Variants in CNTN5 observed in about 807,000 individuals in gnomAD.
CNTN5 encodes contactin 5.
Under a neutral mutation model 129.1 loss-of-function variants are expected in CNTN5, and 77 were observed. The ratio of observed to expected loss-of-function variants is 0.60; its 90% CI spans 0.50 to 0.72. CNTN5 has a LOEUF of 0.72. Among genes scored for constraint, CNTN5 ranks in the 30% least tolerant of loss-of-function variants. The pLI is 0.00. For synonymous variants in CNTN5, 509 were observed against 465.6 expected (o/e 1.09, Z -1.20); for missense variants, 1,478 against 1,328.8 (o/e 1.11, Z -1.75).
chr11:99,641,499 G>A (rs150396685), intron 3 of CNTN5, among the ~76,000 whole-genome samples: 21 of 152,268 alleles, frequency 1.4e-4, no homozygotes, highest in Admixed American at 3.3e-4. Flanking sequence ...AGGAGGAGAC[G>A]TAGGAGGGCA....
At chr11:99,888,542 C>G (rs746879240) in intron 6 of CNTN5, among the ~76,000 whole-genome samples, 2 of 152,096 alleles carry the variant, frequency 1.3e-5, no homozygotes, top group Non-Finnish European at 2.9e-5. Flanking sequence ...AGGGTACCAT[C>G]GGGGAAACAT....
At chr11:99,758,209 T>C (rs1234665877) in intron 3 of CNTN5, among the ~76,000 whole-genome samples, 1 of 152,070 alleles carries the variant, frequency 6.6e-6, no homozygotes. Context: ...TTGTGGTTCA[T>C]ACCACTTCAA....
intron 15 of CNTN5, among the ~76,000 whole-genome samples, chr11:100,215,634 C>T (rs917624028): frequency 6.6e-6 from 1 of 151,922 alleles, no homozygotes; most frequent in Non-Finnish European, 1.5e-5. Context: ...TGCTTAGTCA[C>T]TATAATGGAA....
At chr11:100,038,778 C>T (rs954282432) in intron 9 of CNTN5, among the ~76,000 whole-genome samples, 6 of 152,068 alleles carry the variant, frequency 3.9e-5, no homozygotes, top group African/African-American at 1.2e-4. Flanking sequence ...TTATCAGAGA[C>T]TAGGATTGCA....
chr11:100,300,401 T>G (rs1393476670), intron 20 of CNTN5, among the ~76,000 whole-genome samples: 2 of 151,454 alleles, frequency 1.3e-5, no homozygotes, highest in East Asian at 3.9e-4. Context: ...TTTCTTAAAT[T>G]TACAAATGAC....
chr11:99,629,016 A>G (rs1444453081), intron 3 of CNTN5, among the ~76,000 whole-genome samples: 1 of 152,036 alleles, frequency 6.6e-6, no homozygotes, highest in African/African-American at 2.4e-5. Flanking sequence ...AAAACAAACA[A>G]AAAGTCAACT....
chr11:99,058,110 G>A (rs1351359765), intron 1 of CNTN5, among the ~76,000 whole-genome samples: 2 of 151,914 alleles, frequency 1.3e-5, no homozygotes, highest in Non-Finnish European at 2.9e-5. Flanking sequence ...ACGACAGAAA[G>A]AAAATTCGGA....
At chr11:99,881,360 C>A (rs914870863) in intron 6 of CNTN5, among the ~76,000 whole-genome samples, 1 of 152,112 alleles carries the variant, frequency 6.6e-6, no homozygotes. Context: ...TAAATTATAG[C>A]CAGAACGGAG....
intron 1 of CNTN5, among the ~76,000 whole-genome samples, chr11:99,168,169 C>T (rs1438752175): frequency 6.6e-6 from 1 of 152,138 alleles, no homozygotes; most frequent in Admixed American, 6.5e-5. Context: ...GTTTCGAACT[C>T]CTGGGCTCAA....
intron 13 of CNTN5, among the ~76,000 whole-genome samples, chr11:100,118,305 T>A (rs1410794483): frequency 6.6e-6 from 1 of 151,904 alleles, no homozygotes. Flanking sequence ...GACAGCAGAA[T>A]GAAATTTGCT....
chr11:100,034,302 T>C (rs145319040), intron 9 of CNTN5, among the ~76,000 whole-genome samples: 1 of 152,320 alleles, frequency 6.6e-6, no homozygotes, highest in East Asian at 1.9e-4. Context: ...CAATTAATAC[T>C]CTCCATTGTT....
In CNTN5 at chr11:99,523,649, TAGAACAGAAC is replaced by T. The variant is rs139869042; in HGVS notation, c.-70-32492_-70-32483del. 1.9e-4 allele frequency among the ~76,000 whole-genome samples: 22 copies of T among 116,554 alleles called. No individual in the cohort carries two copies. The South Asian group carries it at 2.2e-3, about 12-fold the overall frequency. 76.5% of individuals were successfully genotyped at this position (116,554 alleles called of 152,430 possible). The stretch of plus-strand genomic sequence containing the variant: ...TAGAATAGAATAGAATAGAATAGAA[TAGAACAGAAC>T]AGATCAGAACAGAACAGAACAGAAC... On this transcript the variant is annotated intron_variant, in intron 2 of 24. Coordinates refer to ENST00000524871, the MANE Select transcript of CNTN5 (RefSeq NM_014361.4).
chr11:99,982,741 C>T (rs775259184), intron 8 of CNTN5, among the ~76,000 whole-genome samples: 5 of 152,136 alleles, frequency 3.3e-5, no homozygotes, highest in African/African-American at 1.2e-4. Context: ...CCCGGGTTCA[C>T]GCCATTCTCC....
chr11:99,036,041 G>A (rs967665530), intron 1 of CNTN5, among the ~76,000 whole-genome samples: 1 of 151,982 alleles, frequency 6.6e-6, no homozygotes, highest in Non-Finnish European at 1.5e-5. Context: ...GCTTAGTTTG[G>A]CTGGATATGA....
intron 1 of CNTN5, among the ~76,000 whole-genome samples, chr11:99,151,702 A>G (rs1200175058): frequency 2.0e-5 from 3 of 152,190 alleles, no homozygotes; most frequent in African/African-American, 7.2e-5. Flanking sequence ...GCACATATAC[A>G]CCATGGAATA....
chr11:99,574,238 T>C (rs1949272944), intron 3 of CNTN5, among the ~76,000 whole-genome samples: 1 of 152,214 alleles, frequency 6.6e-6, no homozygotes, highest in Admixed American at 6.5e-5. Flanking sequence ...CACAAACTCA[T>C]CCTTTTTTAC....
At chr11:99,561,894 T>C (rs976644) in intron 3 of CNTN5, among the ~76,000 whole-genome samples, 67,603 of 151,848 alleles carry the variant, frequency 0.45, 16,333 homozygotes, top group South Asian at 0.55. Context: ...GTATGTGTGT[T>C]AGTGATAATG....
At chr11:99,591,558 T>A (rs1949981211) in intron 3 of CNTN5, among the ~76,000 whole-genome samples, 1 of 152,074 alleles carries the variant, frequency 6.6e-6, no homozygotes, top group Non-Finnish European at 1.5e-5. Flanking sequence ...CAGGATGGTC[T>A]CCATCTCCTG....
At chr11:100,329,061 T>G (rs1465935381) in intron 21 of CNTN5, among the ~76,000 whole-genome samples, 1 of 152,074 alleles carries the variant, frequency 6.6e-6, no homozygotes. Flanking sequence ...TGCCCGGAAA[T>G]AAACTCAGTG....
Sources: gnomAD v4.1 joint callset for allele counts (sites outside exome capture counted in the v4.1 genomes callset) on GRCh38, gnomAD v4.1.1 for gene constraint, MANE v1.5 for transcripts, NCBI Gene and HGNC (gene_info 2026-07-23, HGNC 2026-07-21) for gene names.